Variants in FHIP1B observed in about 807,000 individuals in gnomAD.
FHIP1B encodes the protein FHF complex subunit HOOK-interacting protein 1B.
A neutral mutation model predicts 82.2 loss-of-function variants in FHIP1B; 28 were observed. The observed-to-expected ratio is 0.34, with a 90% confidence interval of 0.25 to 0.47. The LOEUF is 0.47. Ranked by LOEUF, FHIP1B falls within the 20% of genes least tolerant of loss-of-function variation. The probability of loss-of-function intolerance (pLI) is 1.00; values close to 1 mark genes in which losing one functional copy is unlikely to be tolerated. For synonymous variants in FHIP1B, 585 were observed against 516.1 expected (o/e 1.13, Z -1.81); for missense variants, 1,110 against 1,262.6 (o/e 0.88, Z 1.83).
chr11:6,233,525 G>A (rs73395028), intron 1 of FHIP1B, among the ~76,000 whole-genome samples: 123 of 152,304 alleles, frequency 8.1e-4, no homozygotes, highest in African/African-American at 2.8e-3. Flanking sequence ...TCTTGAGACT[G>A]ATGATGATTT....
chr11:6,218,637 G>C lies in FHIP1B; in HGVS notation c.1398C>G (p.Pro466=). The C allele has an allele frequency of 6.2e-7, 1 of 1,614,162 alleles. No individual in the cohort carries two copies. The highest frequency in any genetic ancestry group is 8.5e-7 in the Non-Finnish European group (1 of 1,180,030). ...AGGCATGCTCTGGACGAGGTGGGCT[G>C]GGGGCGTGGTGCCGACAACAGCGTG... The part of the protein sequence containing the change: ...LIPRCCRHHA[P]SPPRPEHASW... The change falls in exon 8 of 12, where the codon CCC becomes CCG. Residue 466 remains proline, a synonymous_variant. Coordinates refer to ENST00000449352, the MANE Select transcript of FHIP1B (RefSeq NM_001098794.2).
chr11:6,233,064 T>C (rs556602961), intron 1 of FHIP1B, among the ~76,000 whole-genome samples: 2 of 152,246 alleles, frequency 1.3e-5, no homozygotes, highest in South Asian at 4.1e-4. Flanking sequence ...CTCTAAACTC[T>C]GAACTGTAAG....
Position 6,217,795 on chromosome 11 carries a change from T to C in FHIP1B, c.1791A>G (p.Leu597=), listed in dbSNP as rs758448400. 6.2e-7 allele frequency: 1 copy of C among 1,610,346 alleles called. No individual in the cohort carries two copies. The highest frequency in any genetic ancestry group is 8.5e-7 in the Non-Finnish European group (1 of 1,178,348). ...PFGSRTKKRS[L]LPEEDRNNVG... ...CGTTGTTCCTGTCCTCCTCAGGCAGTAGGCTGCGTTTCTTAGTCCGGGAGC... is the reference window on the plus strand; with the variant it reads ...CGTTGTTCCTGTCCTCCTCAGGCAGCAGGCTGCGTTTCTTAGTCCGGGAGC... The change falls in exon 9 of 12, where the codon CTA becomes CTG. Residue 597 remains leucine, a synonymous_variant. Transcript: ENST00000449352.
chr11:6,224,737 T>C (rs1019487392), intron 1 of FHIP1B, 30 bp from the exon 2 acceptor site: 3 of 547,190 alleles, frequency 5.5e-6, no homozygotes, highest in East Asian at 6.1e-5. Context: ...ATGGAAGGGA[T>C]AAATAGAAGC....
chr11:6,218,867 A>G, intron 7 of FHIP1B, 104 bp from the exon 8 acceptor site: 2 of 1,566,156 alleles, frequency 1.3e-6, no homozygotes, highest in South Asian at 1.1e-5. Flanking sequence ...CCAGGCTCCA[A>G]GTGGAAACTC....
rs1408890367 is a variant in FHIP1B at position 6,224,591 on chromosome 11, G to A, written c.-75C>T. ...TGCCAGCTGGAGGTTTTCTCCACTT[G>A]TGTCTCCAGTCTGCTTCATCCGGTC... On this transcript the variant is annotated 5_prime_UTR_variant, in exon 2 of 12. Transcript: ENST00000449352. The A allele has an allele frequency of 1.6e-5, 24 of 1,470,720 alleles. No homozygotes were observed. The highest frequency in any genetic ancestry group is 4.6e-6 in the Non-Finnish European group (5 of 1,095,230). The allele number at this position is 1,470,720 out of a possible 1,614,324, so 91.1% of individuals were successfully genotyped here. A position where few individuals can be genotyped will look rare whatever the true frequency, so the allele number is the denominator to read the frequency against.
Position 6,214,926 on chromosome 11 carries a change from A to T in FHIP1B, c.2216-15T>A. 2.0e-6 allele frequency: 3 copies of T among 1,535,982 alleles called. No homozygotes were observed. The highest frequency in any genetic ancestry group is 2.6e-6 in the Non-Finnish European group (3 of 1,139,552). On this transcript the variant is annotated splice_polypyrimidine_tract_variant and intron_variant, in intron 9 of 11. Transcript: ENST00000449352. ...CATGAAGGGGCCTGGGTTGGGGGGG[A>T]GGTGGGCACAAGGATACAAAGCCTG...
chr11:6,233,329 G>C (rs551838714), intron 1 of FHIP1B, among the ~76,000 whole-genome samples: 1 of 150,882 alleles, frequency 6.6e-6, no homozygotes, highest in East Asian at 1.9e-4. Flanking sequence ...CTGACTAGCA[G>C]TAGAGAGGAA....
Position 6,222,559 on chromosome 11 carries a change from T to A in FHIP1B, c.1074A>T (p.Leu358=). Residue 358 remains leucine, a synonymous_variant, in exon 6 of 12, where the codon CTA becomes CTT. Coordinates refer to ENST00000449352, the MANE Select transcript of FHIP1B (RefSeq NM_001098794.2). The stretch of plus-strand genomic sequence containing the variant: ...GCAAAGCAGGCTCTGAGATACTCCG[T>A]AGGAAAAGTTCCAGATAGGCGGTAC... ...IASTAYLELF[L]RSISEPALLR... 6.2e-7 allele frequency: 1 copy of A among 1,614,066 alleles called. No individual in the cohort carries two copies. The highest frequency in any genetic ancestry group is 8.5e-7 in the Non-Finnish European group (1 of 1,179,990).
At chr11:6,229,780 T>C (rs1407727122) in intron 1 of FHIP1B, among the ~76,000 whole-genome samples, 1 of 152,134 alleles carries the variant, frequency 6.6e-6, no homozygotes, top group Non-Finnish European at 1.5e-5. Context: ...CAAGAGAAGA[T>C]GTTGGAATCA....
chr11:6,214,581 G>A lies in FHIP1B; in HGVS notation c.2395-8C>T. Reference sequence around the variant, plus strand: ...CTTCACAGAGCCCAGCACCTATGAAGCACACCTTCGTGACATTTCTGAGCA... The same window carrying A: ...CTTCACAGAGCCCAGCACCTATGAAACACACCTTCGTGACATTTCTGAGCA... On this transcript the variant is annotated splice_region_variant and splice_polypyrimidine_tract_variant and intron_variant, in intron 10 of 11. Transcript: ENST00000449352. 6.2e-7 allele frequency: 1 copy of A among 1,607,294 alleles called. No homozygotes were observed. Among genetic ancestry groups the A allele is most frequent in the Non-Finnish European group, 8.5e-7 (1 of 1,175,822 alleles).
At position 6,223,503 on chromosome 11, in the gene FHIP1B, C is replaced by T. The variant is rs1847473173; in HGVS notation, c.777+107G>A. The T allele has an allele frequency of 4.3e-6, 6 of 1,404,840 alleles. No individual in the cohort carries two copies. The African/African-American group carries it at 5.8e-5, about 13-fold the overall frequency. The allele number at this position is 1,404,840 out of a possible 1,614,324, so 87.0% of individuals were successfully genotyped here. ...TGCTTTCAAATCCAGGAACTGTTTC[C>T]TAGGGGAACGGGCCCTGGAACATAG... On this transcript the variant is annotated intron_variant, in intron 3 of 11. Transcript: ENST00000449352. This position sits in a 1 kb window ranked among gnomAD's most constrained non-coding sequence, Gnocchi z 4.8.
intron 9 of FHIP1B, 195 bp from the exon 10 acceptor site, chr11:6,215,106 TC>T: frequency 2.1e-6 from 1 of 466,480 alleles, no homozygotes; most frequent in South Asian, 4.6e-5. Context: ...CCCACAAGAT[TC>T]CAGATGCCAG....
chr11:6,220,550 G>A (rs771842945), intron 6 of FHIP1B, among the ~76,000 whole-genome samples: 2 of 152,190 alleles, frequency 1.3e-5, no homozygotes, highest in African/African-American at 2.4e-5. Context: ...GGCTATATAC[G>A]TTACAAAGTC....
intron 1 of FHIP1B, among the ~76,000 whole-genome samples, chr11:6,225,954 G>C (rs1269936243): frequency 1.3e-5 from 2 of 151,914 alleles, no homozygotes; most frequent in African/African-American, 4.8e-5. Context: ...ACAAGAAAAA[G>C]GAAAAAAGTA....
In FHIP1B at chr11:6,218,771, A is replaced by C. The variant is rs995116704; in HGVS notation, c.1272-8T>G. The C allele has an allele frequency of 6.2e-7, 1 of 1,614,072 alleles. No homozygotes were observed. The highest frequency in any genetic ancestry group is 1.3e-5 in the African/African-American group (1 of 74,924). On this transcript the variant is annotated splice_polypyrimidine_tract_variant and splice_region_variant and intron_variant, in intron 7 of 11. Coordinates refer to ENST00000449352, the MANE Select transcript of FHIP1B (RefSeq NM_001098794.2). ...TTACATGGAACAAGATACCTGAGAAAGACATCAGAAAGGGGACACAGGGTA... is the reference window on the plus strand; with the variant it reads ...TTACATGGAACAAGATACCTGAGAACGACATCAGAAAGGGGACACAGGGTA...
intron 1 of FHIP1B, among the ~76,000 whole-genome samples, chr11:6,225,955 GA>G (rs1847552442): frequency 1.3e-5 from 2 of 151,972 alleles, no homozygotes; most frequent in South Asian, 2.1e-4. Context: ...CAAGAAAAAG[GA>G]AAAAAGTACC....
chr11:6,217,355 A>G lies in FHIP1B; in HGVS notation c.2215+16T>C. On this transcript the variant is annotated intron_variant, in intron 9 of 11. Transcript: ENST00000449352. ...AAAGAGTACACAGAAGGGAAGGCCT[A>G]GGCTAAGTAGCTTACCAGTGAAGGG... The G allele has an allele frequency of 6.2e-7, 1 of 1,609,954 alleles. No homozygotes were observed.
intron 1 of FHIP1B, among the ~76,000 whole-genome samples, chr11:6,231,697 G>C (rs1847704326): frequency 6.6e-6 from 1 of 151,968 alleles, no homozygotes; most frequent in South Asian, 2.1e-4. Context: ...TTTTGGTAGA[G>C]GCAGGGTTTC....
Sources: gnomAD v4.1 joint callset for allele counts (sites outside exome capture counted in the v4.1 genomes callset) on GRCh38, gnomAD v4.1.1 for gene constraint, Gnocchi (gnomAD v3.1) non-coding constraint, MANE v1.5 for transcripts, NCBI Gene and HGNC (gene_info 2026-07-23, HGNC 2026-07-21) for gene names.